Variants in NCOA2 observed in about 807,000 individuals in gnomAD.
NCOA2 encodes class E basic helix-loop-helix protein 75.
NCOA2 carries 21 observed loss-of-function variants against 145.1 expected under a neutral mutation model. That is an observed-to-expected ratio of 0.14 (90% CI 0.10 to 0.21). NCOA2 has a LOEUF of 0.21. Among genes scored for constraint, NCOA2 ranks in the 10% least tolerant of loss-of-function variants. The pLI, the probability that NCOA2 is intolerant of heterozygous loss-of-function variation, is 1.00. For synonymous variants in NCOA2, 619 were observed against 637.5 expected (o/e 0.97, Z 0.44); for missense variants, 1,472 against 1,837.6 (o/e 0.80, Z 3.64).
At chr8:70,414,355 T>C in the NCOA2 span, among the ~76,000 whole-genome samples, 1 of 152,162 alleles carries the variant, frequency 6.6e-6, no homozygotes, top group East Asian at 1.9e-4. Context: ...TTCTCTCCCT[T>C]TTTAATAGTG....
chr8:70,129,740 C>T (rs775353866), intron 16 of NCOA2, among the ~76,000 whole-genome samples: 6 of 151,962 alleles, frequency 3.9e-5, no homozygotes, highest in African/African-American at 1.2e-4. Context: ...GTTGTGATCT[C>T]GGCTCACTGC....
intron 15 of NCOA2, among the ~76,000 whole-genome samples, chr8:70,135,455 T>C (rs1809626718): frequency 6.6e-6 from 1 of 152,194 alleles, no homozygotes; most frequent in East Asian, 1.9e-4. Context: ...AAAAGGTTCC[T>C]GATTTGGCTG....
At chr8:70,392,099 T>A (rs935450018) in intron 1 of NCOA2, among the ~76,000 whole-genome samples, 1 of 152,228 alleles carries the variant, frequency 6.6e-6, no homozygotes, top group African/African-American at 2.4e-5. Flanking sequence ...AACCTGTGTG[T>A]AGGAAATTTT....
At chr8:70,153,235 C>CTG in intron 11 of NCOA2, among the ~76,000 whole-genome samples, 1 of 152,262 alleles carries the variant, frequency 6.6e-6, no homozygotes, top group Admixed American at 6.5e-5. Flanking sequence ...ATATGTGCCT[C>CTG]TGTGTGTGTG....
intron 2 of NCOA2, among the ~76,000 whole-genome samples, chr8:70,230,905 T>C (rs1821073105): frequency 6.6e-6 from 1 of 152,206 alleles, no homozygotes; most frequent in Admixed American, 6.5e-5. Context: ...CTTAATGTTA[T>C]CCACCATGTC....
At chr8:70,346,629 T>A (rs755435055) in intron 1 of NCOA2, among the ~76,000 whole-genome samples, 4 of 152,198 alleles carry the variant, frequency 2.6e-5, no homozygotes, top group Non-Finnish European at 2.9e-5. Context: ...AGCTTCTGAG[T>A]GTACATTATT....
intron 1 of NCOA2, among the ~76,000 whole-genome samples, chr8:70,356,770 T>C (rs1347621511): frequency 6.6e-6 from 1 of 152,212 alleles, no homozygotes; most frequent in Non-Finnish European, 1.5e-5. Context: ...ACAGTATGTA[T>C]ACTACCATAA....
intron 4 of NCOA2, among the ~76,000 whole-genome samples, chr8:70,188,955 TTA>T (rs1816371771): frequency 6.6e-6 from 1 of 152,218 alleles, no homozygotes; most frequent in Admixed American, 6.5e-5. Context: ...TAAAACTGAT[TTA>T]ACTCTCAGTA....
rs1806446427 is a variant in NCOA2 at position 70,110,497 on chromosome 8, T to C, written c.*3135A>G. On this transcript the variant is annotated 3_prime_UTR_variant, in exon 23 of 23. Transcript: ENST00000452400. ...CAGTAATTTTCTTTTGTGCAGAGGATGCTTTGCTCTTAGGCAGCATACCAC... is the reference window on the plus strand; with the variant it reads ...CAGTAATTTTCTTTTGTGCAGAGGACGCTTTGCTCTTAGGCAGCATACCAC... The C allele has an allele frequency of 5.0e-6, 1 of 199,364 alleles. No individual in the cohort carries two copies. Among genetic ancestry groups the C allele is most frequent in the Non-Finnish European group, 1.0e-5 (1 of 96,508 alleles). The allele number at this position is 199,364 out of a possible 1,614,324, so 12.3% of individuals were successfully genotyped here. A position where few individuals can be genotyped will look rare whatever the true frequency, so the allele number is the denominator to read the frequency against.
chr8:70,267,097 C>T (rs1824662752), intron 2 of NCOA2, among the ~76,000 whole-genome samples: 1 of 152,100 alleles, frequency 6.6e-6, no homozygotes, highest in Admixed American at 6.5e-5. Context: ...TATACAAGAA[C>T]AATGGACTTG....
chr8:70,125,660 G>A (rs1808333473), intron 19 of NCOA2, among the ~76,000 whole-genome samples: 1 of 152,186 alleles, frequency 6.6e-6, no homozygotes, highest in African/African-American at 2.4e-5. Context: ...ATTCCATGAT[G>A]AGATGGATCC....
At chr8:70,299,023 A>G (rs1166649779) in intron 1 of NCOA2, among the ~76,000 whole-genome samples, 1 of 152,040 alleles carries the variant, frequency 6.6e-6, no homozygotes, top group Admixed American at 6.6e-5. Context: ...TCGCGCCACT[A>G]TACTCCAGCC....
chr8:70,148,112 A>G (rs1280643520), intron 12 of NCOA2, among the ~76,000 whole-genome samples, 161 bp downstream of exon 12: 1 of 152,222 alleles, frequency 6.6e-6, no homozygotes, highest in East Asian at 1.9e-4. Context: ...AGGAGGATCC[A>G]TTTTGAATAC....
chr8:70,185,503 T>A (rs1340929036), intron 4 of NCOA2, among the ~76,000 whole-genome samples: 13 of 152,072 alleles, frequency 8.5e-5, no homozygotes, highest in Admixed American at 8.5e-4. Context: ...GACAGCAGAC[T>A]CCAGGGAGCA....
chr8:70,248,300 G>A (rs1183303563), intron 2 of NCOA2, among the ~76,000 whole-genome samples: 3 of 152,198 alleles, frequency 2.0e-5, no homozygotes, highest in East Asian at 3.9e-4. Context: ...AAGCATCTCT[G>A]TAATCCAGGC....
chr8:70,126,811 A>C lies in NCOA2; in HGVS notation c.3916+2T>G. On this transcript the variant is annotated splice_donor_variant, in intron 19 of 22. Coordinates refer to ENST00000452400, the MANE Select transcript of NCOA2 (RefSeq NM_006540.4). LOFTEE classifies it high-confidence loss of function. ...AAGGTGGTGGGGATCTAAGTCCAGT[A>C]CCGTAGTTTGGAGGAAATGGAAACT... The C allele has an allele frequency of 6.2e-7, 1 of 1,613,000 alleles. No individual in the cohort carries two copies. Among genetic ancestry groups the C allele is most frequent in the Non-Finnish European group, 8.5e-7 (1 of 1,179,110 alleles).
At chr8:70,226,635 T>C (rs60934315) in intron 2 of NCOA2, among the ~76,000 whole-genome samples, 1,696 of 144,926 alleles carry the variant, frequency 0.012, 28 homozygotes, top group African/African-American at 0.039. Flanking sequence ...TGTATAACTA[T>C]ACTTAAAACT....
At chr8:70,433,860 T>C in the NCOA2 span, among the ~76,000 whole-genome samples, 2 of 152,236 alleles carry the variant, frequency 1.3e-5, no homozygotes, top group South Asian at 4.1e-4. Context: ...CAGAAAAAGG[T>C]CATTCCCTGT....
At chr8:70,138,099 G>A (rs1264823825) in intron 15 of NCOA2, 104 bp downstream of exon 15, 5 of 1,253,962 alleles carry the variant, frequency 4.0e-6, no homozygotes, top group East Asian at 2.4e-5. Flanking sequence ...AGATAATATA[G>A]TACCAATAAA....
Sources: gnomAD v4.1 joint callset for allele counts (sites outside exome capture counted in the v4.1 genomes callset) on GRCh38, gnomAD v4.1.1 for gene constraint, MANE v1.5 for transcripts, NCBI Gene and HGNC (gene_info 2026-07-23, HGNC 2026-07-21) for gene names.